CNTN4: variants seen among roughly 807,000 people sequenced by gnomAD.
CNTN4 encodes contactin 4.
Under a neutral mutation model 122.5 loss-of-function variants are expected in CNTN4, and 77 were observed. The observed-to-expected ratio is 0.63, with a 90% confidence interval of 0.52 to 0.76. The LOEUF (loss-of-function observed/expected upper bound fraction) is 0.76. Among genes scored for constraint, CNTN4 ranks in the 30% least tolerant of loss-of-function variants. The pLI is 0.00. For missense variants in CNTN4, 1,256 were observed against 1,259.1 expected (o/e 1.00, Z 0.04); for synonymous variants, 512 against 447.0 (o/e 1.15, Z -1.83).
chr3:2,707,237 T>G (rs952591933), intron 4 of CNTN4, among the ~76,000 whole-genome samples: 1 of 151,580 alleles, frequency 6.6e-6, no homozygotes, highest in Non-Finnish European at 1.5e-5. Context: ...ACCCAGGAGG[T>G]TGAGGCTGCA....
chr3:2,568,841 C>T (rs1461817256), intron 3 of CNTN4, among the ~76,000 whole-genome samples: 3 of 152,172 alleles, frequency 2.0e-5, no homozygotes, highest in Non-Finnish European at 2.9e-5. Flanking sequence ...AGAACATGCA[C>T]TGTAAATACT....
intron 3 of CNTN4, among the ~76,000 whole-genome samples, chr3:2,485,189 C>G (rs973053272): frequency 7.2e-5 from 11 of 152,242 alleles, no homozygotes; most frequent in Non-Finnish European, 1.5e-4. Context: ...AGAGCCTCTC[C>G]CCCTGTGGCT....
rs542529229 is a variant in CNTN4, at chr3:2,903,098, A to T, written c.1207+93A>T. 1.5e-5 allele frequency: 19 copies of T among 1,300,606 alleles called. No individual in the cohort carries two copies. In the African/African-American group the frequency reaches 2.8e-4, roughly 19 times the overall value. The allele number at this position is 1,300,606 out of a possible 1,614,324, so 80.6% of individuals were successfully genotyped here. A position where few individuals can be genotyped will look rare whatever the true frequency, so the allele number is the denominator to read the frequency against. On this transcript the variant is annotated intron_variant, in intron 12 of 24. Coordinates refer to ENST00000418658, the MANE Select transcript of CNTN4 (RefSeq NM_175607.3). ...GCCAAGCATAAATGTTCAATCCAAG[A>T]AAAGGAGTAAAGAAATCTTTAGGCC...
At chr3:2,830,311 A>G (rs1257844929) in intron 7 of CNTN4, among the ~76,000 whole-genome samples, 2 of 152,236 alleles carry the variant, frequency 1.3e-5, no homozygotes, top group Non-Finnish European at 2.9e-5. Flanking sequence ...AAAATTAAAA[A>G]GATTATCTCC....
chr3:2,735,927 CA>C (rs1394420812), intron 4 of CNTN4: 1 of 543,994 alleles, frequency 1.8e-6, no homozygotes, highest in Non-Finnish European at 3.6e-6. Context: ...ACAAGCAGAA[CA>C]ATACATAGAA....
chr3:2,438,286 G>A (rs573807457), intron 3 of CNTN4, among the ~76,000 whole-genome samples: 25 of 152,270 alleles, frequency 1.6e-4, no homozygotes, highest in Admixed American at 5.2e-4. Flanking sequence ...TTGGGAGGCC[G>A]AGGCAGGCGG....
chr3:2,421,961 T>TA (rs35895426), intron 3 of CNTN4, among the ~76,000 whole-genome samples: 3,651 of 145,372 alleles, frequency 0.025, 52 homozygotes, highest in Non-Finnish European at 0.032. Context: ...ATGTCATTCA[T>TA]AAAAAAAAAA....
At chr3:3,011,182 G>C (rs1477771393) in intron 14 of CNTN4, among the ~76,000 whole-genome samples, 3 of 152,150 alleles carry the variant, frequency 2.0e-5, no homozygotes, top group African/African-American at 7.2e-5. Flanking sequence ...AAAAGATTCT[G>C]TGTTCTTTAA....
intron 2 of CNTN4, among the ~76,000 whole-genome samples, chr3:2,217,590 T>G (rs1301606670): frequency 6.6e-6 from 1 of 152,174 alleles, no homozygotes; most frequent in Non-Finnish European, 1.5e-5. Flanking sequence ...GTGACTAATA[T>G]TCACATTCTG....
chr3:2,788,009 C>G (rs978575198), intron 6 of CNTN4, among the ~76,000 whole-genome samples: 21 of 152,030 alleles, frequency 1.4e-4, no homozygotes, highest in Non-Finnish European at 2.4e-4. Flanking sequence ...AGGCTGGTTT[C>G]AAACTCCTGA....
At chr3:2,428,008 G>A (rs571672444) in intron 3 of CNTN4, among the ~76,000 whole-genome samples, 2 of 150,758 alleles carry the variant, frequency 1.3e-5, no homozygotes, top group South Asian at 2.1e-4. Context: ...ACACTGACAG[G>A]TCTTGACTCT....
chr3:2,854,063 G>T (rs2093590048), intron 7 of CNTN4, among the ~76,000 whole-genome samples: 1 of 152,100 alleles, frequency 6.6e-6, no homozygotes, highest in Admixed American at 6.5e-5. Context: ...GACCATTGCA[G>T]CCAGTGATGG....
chr3:2,978,671 C>T (rs909397878), intron 13 of CNTN4, among the ~76,000 whole-genome samples: 1 of 152,190 alleles, frequency 6.6e-6, no homozygotes, highest in South Asian at 2.1e-4. Context: ...CTCGCTGACA[C>T]GTGCCCAATT....
intron 20 of CNTN4, among the ~76,000 whole-genome samples, chr3:3,041,384 A>G (rs959763823): frequency 6.6e-6 from 1 of 152,200 alleles, no homozygotes; most frequent in African/African-American, 2.4e-5. Flanking sequence ...CTTCTCTTAG[A>G]TAATAGTTCA....
intron 7 of CNTN4, among the ~76,000 whole-genome samples, chr3:2,840,508 G>A (rs1275763914): frequency 2.3e-5 from 3 of 129,280 alleles, no homozygotes; most frequent in Non-Finnish European, 3.3e-5. Flanking sequence ...AGACCATCCT[G>A]GCTAACACGG....
rs914421448 is a variant in CNTN4 at position 2,745,615 on chromosome 3, C to A, written c.276C>A (p.Thr92=). ...GSLLINNPNK[T]QDAGTYQCTA... Reference sequence around the variant, plus strand: ...TGTTGATCAATAACCCCAATAAAACCCAAGATGCTGGAACGTACCAGTGCA... The same window carrying A: ...TGTTGATCAATAACCCCAATAAAACACAAGATGCTGGAACGTACCAGTGCA... The change falls in exon 6 of 25, where the codon ACC becomes ACA. Residue 92 remains threonine, a synonymous_variant. Transcript: ENST00000418658. 1.9e-6 allele frequency: 3 copies of A among 1,614,054 alleles called. No individual in the cohort carries two copies. The highest frequency in any genetic ancestry group is 2.5e-6 in the Non-Finnish European group (3 of 1,179,968).
chr3:2,215,834 G>A (rs548048739), intron 2 of CNTN4, among the ~76,000 whole-genome samples: 70 of 140,438 alleles, frequency 5.0e-4, no homozygotes, highest in African/African-American at 1.8e-3. Context: ...AGTGAGCCGA[G>A]ACTGTGCCAC....
chr3:2,973,796 GC>G (rs1693163642), intron 13 of CNTN4, among the ~76,000 whole-genome samples: 1 of 151,102 alleles, frequency 6.6e-6, no homozygotes, highest in African/African-American at 2.5e-5. Flanking sequence ...TAACATCAAT[GC>G]CATGTGAATA....
At chr3:3,013,242 C>T (rs192410211) in intron 14 of CNTN4, among the ~76,000 whole-genome samples, 12 of 152,236 alleles carry the variant, frequency 7.9e-5, no homozygotes, top group African/African-American at 2.9e-4. Context: ...AGCTCAGAGA[C>T]GTCGAATGAC....
Sources: allele counts gnomAD v4.1 joint callset (sites outside exome capture counted in the v4.1 genomes callset), GRCh38; gene constraint gnomAD v4.1.1; transcripts MANE v1.5; gene names NCBI Gene and HGNC (gene_info 2026-07-23, HGNC 2026-07-21).